OPA1: variants seen among roughly 807,000 people sequenced by gnomAD.
OPA1 encodes OPA1 mitochondrial dynamin like GTPase, also known as dynamin-like GTPase OPA1, mitochondrial.
OPA1 carries 59 observed loss-of-function variants against 152.9 expected under a neutral mutation model. The observed-to-expected ratio is 0.39, with a 90% CI of 0.31 to 0.48. The LOEUF is 0.48. Among genes scored for constraint, OPA1 ranks in the 20% least tolerant of loss-of-function variants. The pLI is 0.96. For synonymous variants in OPA1, 400 were observed against 389.9 expected (o/e 1.03, Z -0.31); for missense variants, 1,008 against 1,216.8 (o/e 0.83, Z 2.55).
chr3:193,665,007 C>CA lies in OPA1; in HGVS notation c.2778+16dup, dbSNP rs751307938. 7.2e-7 allele frequency: 1 copy of CA among 1,395,300 alleles called. No homozygotes were observed. The highest frequency in any genetic ancestry group is 1.0e-6 in the Non-Finnish European group (1 of 982,008). The allele number at this position is 1,395,300 out of a possible 1,614,324, so 86.4% of individuals were successfully genotyped here. Reference sequence around the variant, plus strand: ...TTTGTAGATTCTGAGGTAAGGTTTCCAAAAACAAAGAGAAGTATTTTTAAG... The same window carrying CA: ...TTTGTAGATTCTGAGGTAAGGTTTCCAAAAAACAAAGAGAAGTATTTTTAAG... On this transcript the variant is annotated intron_variant, in intron 27 of 30. Transcript: ENST00000361510.
chr3:193,632,024 A>G (rs549583029), intron 8 of OPA1, among the ~76,000 whole-genome samples: 2 of 152,298 alleles, frequency 1.3e-5, no homozygotes, highest in South Asian at 2.1e-4. Context: ...GCTCTCAGGA[A>G]CCTTTACTTT....
chr3:193,628,944 G>A (rs190891067), intron 7 of OPA1, among the ~76,000 whole-genome samples: 181 of 151,796 alleles, frequency 1.2e-3, no homozygotes, highest in Non-Finnish European at 1.0e-3. Context: ...ACGGAGTTTC[G>A]CTCTTGTTGC....
intron 29 of OPA1, among the ~76,000 whole-genome samples, chr3:193,669,605 G>A (rs556607614): frequency 2.6e-5 from 4 of 152,266 alleles, no homozygotes; most frequent in South Asian, 2.1e-4. Flanking sequence ...AATTAGTACC[G>A]TTACAGGAAG....
At chr3:193,617,954 C>A (rs1236105525) in intron 5 of OPA1, 117 bp downstream of exon 5, 4 of 737,864 alleles carry the variant, frequency 5.4e-6, no homozygotes, top group Non-Finnish European at 9.8e-6. Context: ...AATTTTAAAA[C>A]CCCAGAACTA....
intron 29 of OPA1, among the ~76,000 whole-genome samples, chr3:193,678,964 T>C (rs1719661012): frequency 6.6e-6 from 1 of 152,032 alleles, no homozygotes; most frequent in African/African-American, 2.4e-5. Flanking sequence ...TTTCCCAAGA[T>C]TACTGAAAAT....
intron 29 of OPA1, among the ~76,000 whole-genome samples, chr3:193,690,731 G>A (rs529925957): frequency 6.6e-6 from 1 of 152,124 alleles, no homozygotes; most frequent in South Asian, 2.1e-4. Context: ...AAATATAAAA[G>A]ATATAAATGT....
At chr3:193,648,662 T>A (rs565481908) in intron 20 of OPA1, 133 bp from the exon 21 acceptor site, 1 of 653,048 alleles carries the variant, frequency 1.5e-6, no homozygotes, top group Non-Finnish European at 2.8e-6. Context: ...AGAAGTGCAT[T>A]TTTGCTAGTC....
intron 27 of OPA1, 147 bp downstream of exon 27, chr3:193,665,143 C>A: frequency 1.6e-6 from 1 of 609,140 alleles, no homozygotes; most frequent in Non-Finnish European, 2.9e-6. Flanking sequence ...AATAATCTAA[C>A]TCTTATATTT....
intron 9 of OPA1, 90 bp downstream of exon 9, chr3:193,635,612 TTC>T: frequency 1.3e-6 from 1 of 794,106 alleles, no homozygotes; most frequent in East Asian, 2.5e-5. Flanking sequence ...CTGTAAAGTA[TTC>T]TGTCATCCTT....
At chr3:193,609,857 C>T (rs918666048) in intron 1 of OPA1, among the ~76,000 whole-genome samples, 42 of 152,304 alleles carry the variant, frequency 2.8e-4, no homozygotes, top group African/African-American at 8.9e-4. Context: ...GCATCCGTCA[C>T]GTAGTTCTCG....
intron 1 of OPA1, among the ~76,000 whole-genome samples, chr3:193,602,882 G>A (rs1726673569): frequency 6.6e-6 from 1 of 152,308 alleles, no homozygotes; most frequent in Non-Finnish European, 1.5e-5. Context: ...TATGGTCACA[G>A]CATCAGCTTT....
chr3:193,665,060 T>G, intron 27 of OPA1, 64 bp downstream of exon 27: 1 of 888,944 alleles, frequency 1.1e-6, no homozygotes, highest in Non-Finnish European at 1.9e-6. Flanking sequence ...TGCTTAAAAG[T>G]AAACTTTAGC....
chr3:193,679,416 T>C (rs1251602215), intron 29 of OPA1, among the ~76,000 whole-genome samples: 2 of 152,166 alleles, frequency 1.3e-5, no homozygotes, highest in Non-Finnish European at 2.9e-5. Flanking sequence ...CACATTTATG[T>C]AGTGCTTTAT....
At chr3:193,648,758 T>C in intron 20 of OPA1, 37 bp from the exon 21 acceptor site, 1 of 1,368,904 alleles carries the variant, frequency 7.3e-7, no homozygotes, top group Non-Finnish European at 1.0e-6. Context: ...TTTACTGTCT[T>C]ATGGAAATCT....
intron 21 of OPA1, among the ~76,000 whole-genome samples, chr3:193,651,267 T>C (rs1325714255): frequency 6.6e-6 from 1 of 152,174 alleles, no homozygotes; most frequent in African/African-American, 2.4e-5. Context: ...CGGAGAAAAC[T>C]GTAAGCAAGG....
intron 5 of OPA1, 65 bp from the exon 6 acceptor site, chr3:193,618,804 T>C (rs1184831344): frequency 7.7e-7 from 1 of 1,296,292 alleles, no homozygotes; most frequent in South Asian, 1.2e-5. Context: ...TCGATGTAAT[T>C]TGAAATTCAG....
At chr3:193,633,074 G>A (rs969819334) in intron 8 of OPA1, among the ~76,000 whole-genome samples, 12 of 147,862 alleles carry the variant, frequency 8.1e-5, no homozygotes, top group Non-Finnish European at 1.8e-4. Context: ...CTCACTATAC[G>A]CTAGACTCAC....
chr3:193,685,411 C>A (rs888149172), intron 29 of OPA1, among the ~76,000 whole-genome samples: 12 of 151,996 alleles, frequency 7.9e-5, no homozygotes, highest in African/African-American at 2.9e-4. Context: ...TGCTTTCTTT[C>A]TAAATTATAC....
chr3:193,637,770 T>C (rs991742778), intron 10 of OPA1, among the ~76,000 whole-genome samples, 182 bp from the exon 11 acceptor site: 2 of 152,216 alleles, frequency 1.3e-5, no homozygotes, highest in Non-Finnish European at 2.9e-5. Context: ...GTTATAGTTT[T>C]GCTGTTCCTA....
Sources: allele counts gnomAD v4.1 joint callset (sites outside exome capture counted in the v4.1 genomes callset), GRCh38; gene constraint gnomAD v4.1.1; transcripts MANE v1.5; gene names NCBI Gene and HGNC (gene_info 2026-07-23, HGNC 2026-07-21).